LPP: variants seen among roughly 807,000 people sequenced by gnomAD.
LPP encodes the protein lipoma-preferred partner.
LPP carries 38 observed loss-of-function variants against 60.4 expected under a neutral mutation model. That is an observed-to-expected ratio of 0.63 (90% CI 0.49 to 0.83). LPP has a LOEUF of 0.83. Ranked by LOEUF, LPP falls within the 40% of genes least tolerant of loss-of-function variation. The probability of loss-of-function intolerance (pLI) is 0.00; values close to 1 mark genes in which losing one functional copy is unlikely to be tolerated. For synonymous variants in LPP, 328 were observed against 290.8 expected (o/e 1.13, Z -1.30); for missense variants, 902 against 783.6 (o/e 1.15, Z -1.80).
chr3:188,275,760 C>T (rs539594547), intron 2 of LPP, among the ~76,000 whole-genome samples: 2 of 152,096 alleles, frequency 1.3e-5, no homozygotes. Context: ...ACTGCAACCT[C>T]CACTTCCCAG....
chr3:188,483,498 C>T (rs906726775), intron 4 of LPP, among the ~76,000 whole-genome samples: 1 of 152,176 alleles, frequency 6.6e-6, no homozygotes, highest in Non-Finnish European at 1.5e-5. Context: ...ACATCAAAAA[C>T]ATTATTTTTA....
chr3:188,600,653 T>G (rs897609617), intron 6 of LPP, among the ~76,000 whole-genome samples: 2 of 152,130 alleles, frequency 1.3e-5, no homozygotes, highest in African/African-American at 4.8e-5. Flanking sequence ...CCAGCAGAAC[T>G]GTATCTATTC....
In LPP at chr3:188,409,114, C is replaced by T. The variant is rs1052891529; in HGVS notation, c.193+2801C>T. Among the ~76,000 whole-genome samples the T allele has an allele frequency of 2.6e-5, 4 of 152,180 alleles. No homozygotes were observed. The South Asian group carries it at 6.2e-4, about 24-fold the overall frequency. On this transcript the variant is annotated intron_variant, in intron 4 of 11. Coordinates refer to ENST00000617246, the MANE Select transcript of LPP (RefSeq NM_001375462.1). ...TATGCATATATATTTGGATGGCTGG[C>T]GGATGGCTGGCTGGGTGAGTGCACT... is the stretch of plus-strand genomic sequence containing the variant.
chr3:188,174,713 G>T (rs150082490), intron 1 of LPP, among the ~76,000 whole-genome samples: 1 of 152,284 alleles, frequency 6.6e-6, no homozygotes, highest in East Asian at 1.9e-4. Flanking sequence ...CTTTGTTGCA[G>T]CACTTTCTGC....
chr3:188,375,813 G>C (rs1359600834), intron 3 of LPP, among the ~76,000 whole-genome samples: 2 of 152,050 alleles, frequency 1.3e-5, no homozygotes, highest in Non-Finnish European at 1.5e-5. Context: ...GTCAATTTTA[G>C]ATCTTTCCTG....
chr3:188,269,320 G>A (rs1235401498), intron 2 of LPP, among the ~76,000 whole-genome samples: 1 of 150,192 alleles, frequency 6.7e-6, no homozygotes, highest in African/African-American at 2.5e-5. Context: ...TATTTCTGGG[G>A]TATTGATTTC....
Position 188,501,620 on chromosome 3 carries a change from GC to G in LPP, c.306+16917del, listed in dbSNP as rs1195801009. Among the ~76,000 whole-genome samples the G allele has an allele frequency of 1.7e-4, 26 of 152,270 alleles. No individual in the cohort carries two copies. The East Asian group carries it at 4.6e-3, about 27-fold the overall frequency. ...AAAAATTAGCCGGGCGTGGTGGCGG[GC>G]ACCTGTAGTCCCAGCTAATCGGGAG... On this transcript the variant is annotated intron_variant, in intron 5 of 11. Transcript: ENST00000617246.
intron 2 of LPP, among the ~76,000 whole-genome samples, chr3:188,248,745 CCTAAT>C (rs1002820826): frequency 1.3e-5 from 2 of 151,832 alleles, no homozygotes; most frequent in African/African-American, 4.8e-5. Context: ...GCACATGTGA[CCTAAT>C]CTATATTTTG....
At position 188,866,263 on chromosome 3, in the gene LPP, G is replaced by C. The variant is rs182287608; in HGVS notation, c.1474G>C (p.Gly492Arg). 140 of 1,586,322 alleles carry C rather than the reference G, an allele frequency of 8.8e-5. No homozygotes were observed. The highest frequency in any genetic ancestry group is 2.3e-5 in the East Asian group (1 of 42,794). The change falls in exon 10 of 12, where the codon GGG becomes CGG. Residue 492 changes from glycine (G) to arginine (R), a missense_variant. By Grantham distance (125) the Gly-to-Arg change is moderately radical. Transcript: ENST00000617246. Reference protein sequence around the residue: ...PIMERILRATGKAYHPHCFTC... With the variant: ...PIMERILRATRKAYHPHCFTC... ...CATGGAGCGGATTCTCCGAGCCACC[G>C]GGAAGGCCTATCATCCTCACTGTTT... is the stretch of plus-strand genomic sequence containing the variant.
chr3:188,648,556 A>C (rs1851517010), intron 7 of LPP, among the ~76,000 whole-genome samples: 1 of 152,182 alleles, frequency 6.6e-6, no homozygotes. Flanking sequence ...GGCCCACTGC[A>C]GTAAGATCTC....
At chr3:188,408,078 G>A (rs770119087) in intron 4 of LPP, among the ~76,000 whole-genome samples, 1 of 152,034 alleles carries the variant, frequency 6.6e-6, no homozygotes, top group Non-Finnish European at 1.5e-5. Context: ...GTGAGCCACC[G>A]CACCTGGCCC....
At chr3:188,438,262 A>G (rs1381869374) in intron 4 of LPP, among the ~76,000 whole-genome samples, 1 of 151,980 alleles carries the variant, frequency 6.6e-6, no homozygotes, top group Non-Finnish European at 1.5e-5. Context: ...TGACTAATGA[A>G]AAAGCCCAAT....
chr3:188,479,468 G>A lies in LPP; in HGVS notation c.194-5124G>A, dbSNP rs535689823. On this transcript the variant is annotated intron_variant, in intron 4 of 11. Transcript: ENST00000617246. ...CCCGATGATTGGAACATTGACATCT[G>A]AGATGTACGAGTCAAAGACACCAGG... 3.0e-4 allele frequency among the ~76,000 whole-genome samples: 46 copies of A among 152,340 alleles called. 1 individual carries two copies. The South Asian group carries it at 9.1e-3, about 30-fold the overall frequency.
intron 8 of LPP, among the ~76,000 whole-genome samples, chr3:188,723,620 T>C (rs541227292): frequency 6.6e-6 from 1 of 152,270 alleles, no homozygotes; most frequent in South Asian, 2.1e-4. Flanking sequence ...CTTGGGTTTA[T>C]TGATGTGAAT....
chr3:188,607,588 C>T (rs1047752155), intron 6 of LPP, among the ~76,000 whole-genome samples: 3 of 151,624 alleles, frequency 2.0e-5, no homozygotes, highest in Non-Finnish European at 4.4e-5. Flanking sequence ...ATCTTTTCTA[C>T]TTACTGGATT....
chr3:188,858,058 A>G (rs1764258814), intron 9 of LPP, among the ~76,000 whole-genome samples: 1 of 152,202 alleles, frequency 6.6e-6, no homozygotes, highest in Admixed American at 6.5e-5. Flanking sequence ...AAGGCCAGAA[A>G]GGTCAAGAAA....
chr3:188,680,297 CG>C (rs1560055383), intron 7 of LPP, among the ~76,000 whole-genome samples: 2 of 152,114 alleles, frequency 1.3e-5, no homozygotes, highest in African/African-American at 2.4e-5. Flanking sequence ...TAAATTGGAT[CG>C]CTTCAGATTG....
chr3:188,265,244 G>T (rs1225881046), intron 2 of LPP, among the ~76,000 whole-genome samples: 1 of 152,184 alleles, frequency 6.6e-6, no homozygotes, highest in Non-Finnish European at 1.5e-5. Flanking sequence ...TATCGCTAAA[G>T]ATGCTTTTCC....
chr3:188,283,519 G>A (rs973065939), intron 2 of LPP, among the ~76,000 whole-genome samples: 2 of 152,176 alleles, frequency 1.3e-5, no homozygotes, highest in Admixed American at 6.5e-5. Context: ...TGCTACTTGC[G>A]AAACACCTTT....
Sources: gnomAD v4.1 joint callset for allele counts (sites outside exome capture counted in the v4.1 genomes callset) on GRCh38, gnomAD v4.1.1 for gene constraint, MANE v1.5 for transcripts, NCBI Gene and HGNC (gene_info 2026-07-23, HGNC 2026-07-21) for gene names.